Variants in SPTLC2 observed in about 807,000 individuals in gnomAD.
SPTLC2 encodes serine palmitoyltransferase 2.
In SPTLC2, 21 loss-of-function variants were observed where a neutral mutation model predicts 62.0. The observed-to-expected ratio is 0.34, with a 90% CI of 0.24 to 0.49. The LOEUF (loss-of-function observed/expected upper bound fraction) is 0.49. Among genes scored for constraint, SPTLC2 ranks in the 20% least tolerant of loss-of-function variants. The pLI is 0.99. For synonymous variants in SPTLC2, 261 were observed against 261.8 expected, an observed-to-expected ratio of 1.00 and a Z score of 0.03; for missense variants, 511 against 713.0, an observed-to-expected ratio of 0.72 and a Z score of 3.23.
chr14:77,587,584 T>C (rs2079788970), intron 2 of SPTLC2, among the ~76,000 whole-genome samples: 1 of 151,888 alleles, frequency 6.6e-6, no homozygotes, highest in South Asian at 2.1e-4. Flanking sequence ...CTGGCCAACA[T>C]GGCGAAACCC....
chr14:77,577,257 A>T (rs1261586696), intron 3 of SPTLC2, among the ~76,000 whole-genome samples: 2 of 152,004 alleles, frequency 1.3e-5, no homozygotes, highest in Non-Finnish European at 2.9e-5. Flanking sequence ...CGCACATGAG[A>T]ATATATACAC....
Position 77,518,030 on chromosome 14 carries a change from C to A in SPTLC2, c.1569+8G>T, listed in dbSNP as rs577069180. 4 of 1,614,132 alleles carry A rather than the reference C, an allele frequency of 2.5e-6. No homozygotes were observed. The East Asian group carries it at 8.9e-5, about 36-fold the overall frequency. ...CATATTTATATCAAGGTGAAAGTGCCTACTTACAGTATCAAGTATTTCTTT... is the reference window on the plus strand; with the variant it reads ...CATATTTATATCAAGGTGAAAGTGCATACTTACAGTATCAAGTATTTCTTT... On this transcript the variant is annotated splice_region_variant and intron_variant, in intron 11 of 11. Transcript: ENST00000216484.
At chr14:77,541,600 C>A (rs1052844082) in intron 9 of SPTLC2, among the ~76,000 whole-genome samples, 6 of 152,144 alleles carry the variant, frequency 3.9e-5, no homozygotes, top group African/African-American at 1.4e-4. Flanking sequence ...AGCAGTCTTT[C>A]CTTTGCTCAT....
chr14:77,536,121 T>G (rs1277013929), intron 9 of SPTLC2: 1 of 362,708 alleles, frequency 2.8e-6, no homozygotes, highest in Non-Finnish European at 5.3e-6. Context: ...AGCCTAGATT[T>G]TGAAATGCAG....
intron 2 of SPTLC2, among the ~76,000 whole-genome samples, chr14:77,594,586 C>T (rs375893014): frequency 2.0e-4 from 31 of 152,288 alleles, no homozygotes; most frequent in African/African-American, 5.8e-4. Context: ...CATGGCGAGA[C>T]GCTGTCTCTA....
chr14:77,596,630 T>C (rs2079849212), intron 2 of SPTLC2, among the ~76,000 whole-genome samples: 1 of 152,226 alleles, frequency 6.6e-6, no homozygotes, highest in Non-Finnish European at 1.5e-5. Flanking sequence ...TTGCCATTCC[T>C]AAAACAAGAG....
At chr14:77,580,990 G>A (rs1054155450) in intron 2 of SPTLC2, among the ~76,000 whole-genome samples, 6 of 152,372 alleles carry the variant, frequency 3.9e-5, no homozygotes, top group Admixed American at 3.9e-4. Flanking sequence ...CAGCGGAGCA[G>A]AAATGCTATG....
At chr14:77,571,127 A>T (rs553066644) in intron 4 of SPTLC2, among the ~76,000 whole-genome samples, 150 of 152,324 alleles carry the variant, frequency 9.8e-4, no homozygotes, top group African/African-American at 3.5e-3. Flanking sequence ...GGCCCTCCCT[A>T]AATTGCAGAA....
At chr14:77,612,319 C>T (rs1389766492) in intron 1 of SPTLC2, among the ~76,000 whole-genome samples, 5 of 152,244 alleles carry the variant, frequency 3.3e-5, no homozygotes, top group African/African-American at 1.2e-4. Context: ...GCAAGTCTGA[C>T]TTTTCTGAAC....
chr14:77,526,858 G>A (rs2079411559), intron 9 of SPTLC2, among the ~76,000 whole-genome samples: 1 of 150,020 alleles, frequency 6.7e-6, no homozygotes, highest in Non-Finnish European at 1.5e-5. Context: ...GCAGTGGCGT[G>A]CTCCTGGCTC....
intron 6 of SPTLC2, among the ~76,000 whole-genome samples, chr14:77,558,597 C>T (rs972219494): frequency 6.6e-6 from 1 of 151,250 alleles, no homozygotes; most frequent in East Asian, 2.0e-4. Context: ...AAGTAAATTA[C>T]GTCCTGACTC....
chr14:77,574,253 G>C (rs1267939238), intron 4 of SPTLC2, among the ~76,000 whole-genome samples: 1 of 152,158 alleles, frequency 6.6e-6, no homozygotes, highest in East Asian at 1.9e-4. Flanking sequence ...TGAAAACCAA[G>C]TAAATTCACT....
chr14:77,512,475 G>C, intron 11 of SPTLC2, 72 bp from the exon 12 acceptor site: 2 of 1,607,364 alleles, frequency 1.2e-6, no homozygotes, highest in African/African-American at 1.3e-5. Flanking sequence ...GTTTTACTTT[G>C]CTAAAAACAA....
chr14:77,569,855 T>TA (rs1566783370), intron 5 of SPTLC2, among the ~76,000 whole-genome samples: 5 of 33,468 alleles, frequency 1.5e-4, no homozygotes, highest in Non-Finnish European at 2.7e-4. Flanking sequence ...TATATATATG[T>TA]ATATAAATAT....
At chr14:77,613,124 A>G (rs2079946952) in intron 1 of SPTLC2, among the ~76,000 whole-genome samples, 1 of 152,216 alleles carries the variant, frequency 6.6e-6, no homozygotes. Flanking sequence ...TTATTTCATC[A>G]AATGTTAAAT....
At chr14:77,520,342 A>G (rs1037469794) in intron 10 of SPTLC2, among the ~76,000 whole-genome samples, 4 of 152,124 alleles carry the variant, frequency 2.6e-5, no homozygotes, top group African/African-American at 9.7e-5. Context: ...CTTCCCTTTC[A>G]TTCTCTTTGA....
intron 6 of SPTLC2, among the ~76,000 whole-genome samples, chr14:77,559,062 G>C (rs1038004120): frequency 6.6e-6 from 1 of 152,198 alleles, no homozygotes; most frequent in Admixed American, 6.5e-5. Context: ...GCTCACGCCT[G>C]TAATCTTAGC....
rs202208540 is a variant in SPTLC2, at chr14:77,562,498, T to C, written c.757-9A>G. ...CTCAGAATCAGGCAACCCTGCAACA[T>C]CACAGGAACAGAAAGGTAAGAAGCT... On this transcript the variant is annotated splice_polypyrimidine_tract_variant and intron_variant, in intron 5 of 11. Transcript: ENST00000216484. 1.2e-6 allele frequency: 2 copies of C among 1,612,168 alleles called. No individual in the cohort carries two copies. Among genetic ancestry groups the C allele is most frequent in the Admixed American group, 1.7e-5 (1 of 59,984 alleles).
At chr14:77,525,701 G>A (rs549938790) in intron 9 of SPTLC2, among the ~76,000 whole-genome samples, 2 of 152,318 alleles carry the variant, frequency 1.3e-5, no homozygotes, top group South Asian at 4.1e-4. Context: ...ACAAGGTCAG[G>A]AGATCGAGAC....
Sources: allele counts gnomAD v4.1 joint callset (sites outside exome capture counted in the v4.1 genomes callset), GRCh38; gene constraint gnomAD v4.1.1; transcripts MANE v1.5; gene names NCBI Gene and HGNC (gene_info 2026-07-23, HGNC 2026-07-21).